NLRC5: variants seen among roughly 807,000 people sequenced by gnomAD.
NLRC5 encodes the protein protein NLRC5.
A neutral mutation model predicts 206.9 loss-of-function variants in NLRC5; 114 were observed. The observed-to-expected ratio is 0.55, with a 90% CI of 0.47 to 0.64. The LOEUF (loss-of-function observed/expected upper bound fraction) is 0.64. Among genes scored for constraint, NLRC5 ranks in the 30% least tolerant of loss-of-function variants. The pLI is 0.00. For synonymous variants in NLRC5, 952 were observed against 962.8 expected (o/e 0.99, Z 0.21); for missense variants, 2,008 against 2,305.5 (o/e 0.87, Z 2.64).
intron 1 of NLRC5, chr16:56,990,594 T>C (rs1272395676): frequency 6.6e-6 from 1 of 152,144 alleles, no homozygotes; most frequent in African/African-American, 2.4e-5. Context: ...ATTTTATAAG[T>C]TGGAGTTCTT....
At chr16:57,012,439 C>T (rs1354762948) in intron 1 of NLRC5, among the ~76,000 whole-genome samples, 5 of 152,162 alleles carry the variant, frequency 3.3e-5, no homozygotes, top group African/African-American at 1.2e-4. Flanking sequence ...GTCCCCAACC[C>T]CCAGGCTACA....
At chr16:57,064,341 T>C (rs977896608) in intron 32 of NLRC5, among the ~76,000 whole-genome samples, 1 of 152,260 alleles carries the variant, frequency 6.6e-6, no homozygotes, top group Non-Finnish European at 1.5e-5. Flanking sequence ...TCTTTTTTCC[T>C]ACTTTCAAAT....
At chr16:57,055,000 C>T in intron 25 of NLRC5, 32 bp from the exon 26 acceptor site, 1 of 1,613,832 alleles carries the variant, frequency 6.2e-7, no homozygotes. Context: ...GCTGTGGCCA[C>T]AGCTGTCTGA....
Position 57,025,609 on chromosome 16 carries a change from G to T in NLRC5, c.666G>T (p.Arg222Ser), listed in dbSNP as rs773996201. 2.5e-6 allele frequency: 4 copies of T among 1,614,200 alleles called. No homozygotes were observed. In the South Asian group the frequency reaches 4.4e-5, roughly 18 times the overall value. ...ACACCAGGGTTAACAAGGGCCCGAG[G>T]GTGACCGTGCTTTTGGGGAAGGCTG... ...LFNTRVNKGPRVTVLLGKAGM... is the reference protein window; with the variant it reads ...LFNTRVNKGPSVTVLLGKAGM... The change falls in exon 6 of 49, where the codon AGG (arginine) becomes AGT (serine). Residue 222 changes from arginine to serine, a missense_variant. Arg to Ser is a moderately radical substitution (Grantham distance 110). Transcript: ENST00000688547.
Position 57,020,880 on chromosome 16 carries a change from G to C in NLRC5, c.168G>C (p.Leu56=). The change falls in exon 3 of 49, where the codon CTG becomes CTC. Residue 56 remains leucine, a synonymous_variant. Transcript: ENST00000688547. ...TGGACCCTGAACAGAGAGTCATCCT[G>C]CAACTCAACAAGCTGCATGTCCAGG... ...ETLDPEQRVI[L]QLNKLHVQGS... 1 of 1,613,796 alleles carries C rather than the reference G, an allele frequency of 6.2e-7. No individual in the cohort carries two copies. The highest frequency in any genetic ancestry group is 8.5e-7 in the Non-Finnish European group (1 of 1,179,972).
Position 57,025,942 on chromosome 16 carries a change from T to C in NLRC5, c.999T>C (p.Asn333=), listed in dbSNP as rs1467140550. ...PVLTLFSHLC[N]GTLLPGCRVM... ...TCACCCTTTTCTCCCATCTCTGCAA[T>C]GGGACCCTCCTGCCTGGCTGCCGGG... Residue 333 remains asparagine, a synonymous_variant, in exon 6 of 49, where the codon AAT becomes AAC. Transcript: ENST00000688547. The C allele has an allele frequency of 1.2e-6, 2 of 1,614,072 alleles. No homozygotes were observed. The highest frequency in any genetic ancestry group is 1.3e-5 in the African/African-American group (1 of 74,942).
chr16:57,076,948 G>C (rs781078829), intron 40 of NLRC5, 46 bp downstream of exon 40: 2 of 1,567,454 alleles, frequency 1.3e-6, no homozygotes, highest in African/African-American at 2.7e-5. Context: ...TTTTGGCCGG[G>C]AAAGATGACA....
intron 27 of NLRC5, 31 bp from the exon 28 acceptor site, chr16:57,058,034 G>A: frequency 6.3e-7 from 1 of 1,579,480 alleles, no homozygotes. Flanking sequence ...AGGCACCTCT[G>A]ATCCCCGCCA....
chr16:57,069,130 A>C (rs1267578841), intron 36 of NLRC5, among the ~76,000 whole-genome samples: 2 of 152,204 alleles, frequency 1.3e-5, no homozygotes, highest in African/African-American at 4.8e-5. Context: ...TAATCAACAT[A>C]GATTATGTGG....
At chr16:56,990,453 T>G (rs1253053658) in intron 1 of NLRC5, among the ~76,000 whole-genome samples, 1 of 152,228 alleles carries the variant, frequency 6.6e-6, no homozygotes, top group East Asian at 1.9e-4. Flanking sequence ...TGTTGTTTTG[T>G]TACTTGCTTT....
intron 20 of NLRC5, among the ~76,000 whole-genome samples, chr16:57,045,112 G>A (rs1214505612): frequency 2.0e-5 from 3 of 151,792 alleles, no homozygotes; most frequent in Non-Finnish European, 4.4e-5. Flanking sequence ...GGCTGAGGCA[G>A]TAGGATCAGT....
intron 3 of NLRC5, among the ~76,000 whole-genome samples, chr16:57,021,918 A>G (rs975100497): frequency 7.2e-5 from 11 of 152,266 alleles, no homozygotes; most frequent in Admixed American, 6.5e-5. Context: ...ACATATGTGC[A>G]GACATATGCA....
Position 57,053,312 on chromosome 16 carries a change from C to T in NLRC5, c.3507-1439C>T, listed in dbSNP as rs112109722. Among the ~76,000 whole-genome samples the T allele has an allele frequency of 8.9e-3, 1,353 of 152,176 alleles. 17 individuals are homozygous for T. Among genetic ancestry groups the T allele is most frequent in the African/African-American group, 0.025 (1,029 of 41,528 alleles). On this transcript the variant is annotated intron_variant, in intron 24 of 48. Transcript: ENST00000688547. ...GGAACTGCATTCCAGGCAGAGGGAA[C>T]GGCATGTGTGAGGCCCTGAGGCATG...
In NLRC5 at chr16:57,083,015, A is replaced by T. The variant is rs1182363660; in HGVS notation, c.*487A>T. 1 of 152,780 alleles carries T rather than the reference A, an allele frequency of 6.5e-6. No individual in the cohort carries two copies. The highest frequency in any genetic ancestry group is 1.9e-4 in the East Asian group (1 of 5,212). 9.5% of individuals were successfully genotyped at this position (152,780 alleles called of 1,614,324 possible). On this transcript the variant is annotated 3_prime_UTR_variant, in exon 49 of 49. Coordinates refer to ENST00000688547, the MANE Select transcript of NLRC5 (RefSeq NM_001384950.1). ...GGCTGGCCCAAGATCTAATTTATTA[A>T]TTTTTAAAGCAAATACATATTTATA...
chr16:57,029,696 A>G (rs1345948903), intron 8 of NLRC5, 77 bp from the exon 9 acceptor site: 1 of 1,229,192 alleles, frequency 8.1e-7, no homozygotes, highest in Non-Finnish European at 1.2e-6. Context: ...GAGGGTGGCC[A>G]TCCTGTCACT....
intron 2 of NLRC5, among the ~76,000 whole-genome samples, chr16:57,018,413 G>T (rs1309206365): frequency 2.0e-5 from 3 of 152,200 alleles, no homozygotes; most frequent in Non-Finnish European, 4.4e-5. Flanking sequence ...CTTGGCCATG[G>T]TCTTTCCGTC....
In NLRC5 at chr16:57,022,287, A is replaced by G. The variant is rs1429034875; in HGVS notation, c.327A>G (p.Lys109=). Residue 109 remains lysine (K), a synonymous_variant, in exon 4 of 49, where the codon AAA becomes AAG. Transcript: ENST00000688547. The stretch of plus-strand genomic sequence containing the variant: ...CCAGCCAGCTGGGAGCTGAGGGGAA[A>G]AGCCAACCTGAATCTCAGCTCCACC... The part of the protein sequence containing the change: ...GFTSQLGAEG[K]SQPESQLHHG... The G allele has an allele frequency of 6.2e-7, 1 of 1,612,018 alleles. No individual in the cohort carries two copies.
intron 23 of NLRC5, chr16:57,047,845 T>A: frequency 1.7e-6 from 1 of 590,182 alleles, no homozygotes; most frequent in African/African-American, 1.9e-5. Context: ...GATGCTGTGC[T>A]GGACTGGGGA....
Position 57,043,534 on chromosome 16 carries a change from T to C in NLRC5, c.3133T>C (p.Ser1045Pro). 6.2e-7 allele frequency: 1 copy of C among 1,614,134 alleles called. No homozygotes were observed. Among genetic ancestry groups the C allele is most frequent in the South Asian group, 1.1e-5 (1 of 91,080 alleles). Residue 1045 changes from serine to proline, a missense_variant, in exon 20 of 49, where the codon TCC becomes CCC. Physicochemically the swap from Ser to Pro is moderately conservative, Grantham distance 74. Transcript: ENST00000688547. ...CTCCAGCCTCAGTGAGAACGGTTTGTCCCTGGATGCCGTGTTGGGTTTGGT... is the reference window on the plus strand; with the variant it reads ...CTCCAGCCTCAGTGAGAACGGTTTGCCCCTGGATGCCGTGTTGGGTTTGGT... Reference protein sequence around the residue: ...QSLNLSENGLSLDAVLGLVRC... With the variant: ...QSLNLSENGLPLDAVLGLVRC...
Sources: allele counts gnomAD v4.1 joint callset (sites outside exome capture counted in the v4.1 genomes callset), GRCh38; gene constraint gnomAD v4.1.1; transcripts MANE v1.5; gene names NCBI Gene and HGNC (gene_info 2026-07-23, HGNC 2026-07-21).